Variants in MAML3 observed in about 807,000 individuals in gnomAD.
The protein encoded by MAML3 is mastermind like transcriptional coactivator 3.
A neutral mutation model predicts 101.9 loss-of-function variants in MAML3; 27 were observed. The observed-to-expected ratio is 0.27, with a 90% CI of 0.20 to 0.37. The LOEUF is 0.37. Ranked by LOEUF, MAML3 falls within the 10% of genes least tolerant of loss-of-function variation. The pLI, the probability that MAML3 is intolerant of heterozygous loss-of-function variation, is 1.00. For synonymous variants in MAML3, 501 were observed against 555.9 expected, an observed-to-expected ratio of 0.90 and a Z score of 1.39; for missense variants, 1,316 against 1,444.9, an observed-to-expected ratio of 0.91 and a Z score of 1.45.
chr4:139,932,064 C>T (rs1162336540), intron 1 of MAML3, among the ~76,000 whole-genome samples: 1 of 152,044 alleles, frequency 6.6e-6, no homozygotes, highest in African/African-American at 2.4e-5. Context: ...TTGCTTACTA[C>T]TTTGAATAGT....
intron 2 of MAML3, among the ~76,000 whole-genome samples, chr4:139,733,198 C>T (rs1728793191): frequency 6.6e-6 from 1 of 152,124 alleles, no homozygotes; most frequent in African/African-American, 2.4e-5. Context: ...AGCAAAAATG[C>T]AGATATGTAG....
At chr4:140,090,178 C>T (rs935196278) in intron 1 of MAML3, among the ~76,000 whole-genome samples, 4 of 152,102 alleles carry the variant, frequency 2.6e-5, no homozygotes, top group Admixed American at 2.0e-4. Context: ...TGTGTTTTTA[C>T]GGTGGTGGTG....
chr4:139,889,316 C>T lies in MAML3; in HGVS notation c.2079+41G>A, dbSNP rs774550983. The T allele has an allele frequency of 9.3e-6, 15 of 1,613,848 alleles. No homozygotes were observed. In the South Asian group the frequency reaches 1.4e-4, roughly 15 times the overall value. Reference sequence around the variant, plus strand: ...TCACACATCGACAGTCTGAAATGCACCACAAGAACTGCTCGAAGAGTGTGT... The same window carrying T: ...TCACACATCGACAGTCTGAAATGCATCACAAGAACTGCTCGAAGAGTGTGT... On this transcript the variant is annotated intron_variant, in intron 2 of 4. Coordinates refer to ENST00000509479, the MANE Select transcript of MAML3 (RefSeq NM_018717.5).
At chr4:140,025,818 G>A (rs540307829) in intron 1 of MAML3, among the ~76,000 whole-genome samples, 1 of 152,208 alleles carries the variant, frequency 6.6e-6, no homozygotes, top group Non-Finnish European at 1.5e-5. Context: ...AATGAGTCTC[G>A]GATCTCTGCC....
chr4:139,831,634 C>T (rs147654319), intron 2 of MAML3, among the ~76,000 whole-genome samples: 4 of 152,212 alleles, frequency 2.6e-5, no homozygotes, highest in Admixed American at 1.3e-4. Context: ...ATGCACACAC[C>T]GGAGCTTAAC....
At chr4:140,033,148 C>T (rs1726934066) in intron 1 of MAML3, among the ~76,000 whole-genome samples, 1 of 152,180 alleles carries the variant, frequency 6.6e-6, no homozygotes, top group African/African-American at 2.4e-5. Flanking sequence ...AATCAATAGA[C>T]CTAGAAGCAC....
At chr4:139,969,052 G>A (rs1170802073) in intron 1 of MAML3, among the ~76,000 whole-genome samples, 1 of 152,010 alleles carries the variant, frequency 6.6e-6, no homozygotes, top group Non-Finnish European at 1.5e-5. Flanking sequence ...AGTGGGAAGG[G>A]ATGGAGATGG....
chr4:139,807,110 A>G (rs1201785784), intron 2 of MAML3, among the ~76,000 whole-genome samples: 1 of 152,208 alleles, frequency 6.6e-6, no homozygotes, highest in African/African-American at 2.4e-5. Flanking sequence ...TAGCTGTGTC[A>G]TCACCTGGCT....
intron 2 of MAML3, among the ~76,000 whole-genome samples, chr4:139,863,832 G>GTTTTTTTTT (rs58270046): frequency 0.051 from 5,668 of 110,126 alleles, 690 homozygotes; most frequent in South Asian, 0.1. Flanking sequence ...CAGAACATGG[G>GTTTTTTTTT]TTTTTTTTTT....
At chr4:139,972,780 CAAAGAGG>C (rs1466398992) in intron 1 of MAML3, among the ~76,000 whole-genome samples, 2 of 152,030 alleles carry the variant, frequency 1.3e-5, no homozygotes, top group Non-Finnish European at 2.9e-5. Flanking sequence ...CGACAATTTG[CAAAGAGG>C]AATTATCCAT....
At chr4:139,946,230 A>G (rs1257226481) in intron 1 of MAML3, among the ~76,000 whole-genome samples, 1 of 152,216 alleles carries the variant, frequency 6.6e-6, no homozygotes, top group Non-Finnish European at 1.5e-5. Flanking sequence ...GAAGCTAAAG[A>G]TAAAGATAAT....
intron 1 of MAML3, among the ~76,000 whole-genome samples, chr4:139,948,067 G>A (rs180934740): frequency 1.3e-5 from 2 of 151,428 alleles, no homozygotes; most frequent in Non-Finnish European, 2.9e-5. Flanking sequence ...GCCATTGCAC[G>A]CCAGTCTGGG....
At chr4:139,752,563 GC>G (rs1213571927) in intron 2 of MAML3, among the ~76,000 whole-genome samples, 8 of 152,190 alleles carry the variant, frequency 5.3e-5, no homozygotes, top group Non-Finnish European at 1.0e-4. Context: ...GTCATGGGAA[GC>G]TTTGGAAGCC....
rs779057867 is a variant in MAML3 at position 139,890,050 on chromosome 4, C to T, written c.1386G>A (p.Met462Ile). The change falls in exon 2 of 5, where the codon ATG becomes ATA. Residue 462 changes from methionine (M) to isoleucine (I), a missense_variant. Coordinates refer to ENST00000509479, the MANE Select transcript of MAML3 (RefSeq NM_018717.5). This position sits in a 1 kb window ranked among gnomAD's most constrained non-coding sequence, Gnocchi z 4.1. Reference sequence around the variant, plus strand: ...TCTGTTTGAGCTGTTCTGCTGGAGACATGTCAGAGCTGGGCACAGCCACAG... The same window carrying T: ...TCTGTTTGAGCTGTTCTGCTGGAGATATGTCAGAGCTGGGCACAGCCACAG... ...SGPVAVPSSDMSPAEQLKQMA... is the reference protein window; with the variant it reads ...SGPVAVPSSDISPAEQLKQMA... 18 of 1,608,648 alleles carry T rather than the reference C, an allele frequency of 1.1e-5. No individual in the cohort carries two copies. The highest frequency in any genetic ancestry group is 2.2e-5 in the South Asian group (2 of 90,870).
At chr4:140,001,450 T>G (rs1421764297) in intron 1 of MAML3, among the ~76,000 whole-genome samples, 3 of 152,146 alleles carry the variant, frequency 2.0e-5, no homozygotes, top group African/African-American at 4.8e-5. Flanking sequence ...AGTTAATAAG[T>G]CGCAGAGTGA....
At position 139,727,703 on chromosome 4, in the gene MAML3, C is replaced by T. The variant is rs185010851; in HGVS notation, c.2332-1868G>A. Among the ~76,000 whole-genome samples the T allele has an allele frequency of 2.0e-5, 3 of 152,336 alleles. No individual in the cohort carries two copies. In the East Asian group the frequency reaches 5.8e-4, roughly 29 times the overall value. Reference sequence around the variant, plus strand: ...GAGAATACGGCATTAAATGTGAATTCATGCCTACTTTCAACCTGCACTGCT... The same window carrying T: ...GAGAATACGGCATTAAATGTGAATTTATGCCTACTTTCAACCTGCACTGCT... On this transcript the variant is annotated intron_variant, in intron 3 of 4. Transcript: ENST00000509479.
intron 1 of MAML3, among the ~76,000 whole-genome samples, chr4:139,948,274 T>C (rs1183094142): frequency 1.3e-5 from 2 of 152,206 alleles, no homozygotes; most frequent in African/African-American, 2.4e-5. Flanking sequence ...ACTTTTGCTT[T>C]ATCCAAATAC....
At chr4:139,984,743 TC>T (rs1194639886) in intron 1 of MAML3, among the ~76,000 whole-genome samples, 1 of 152,238 alleles carries the variant, frequency 6.6e-6, no homozygotes, top group Non-Finnish European at 1.5e-5. Flanking sequence ...AGACAGACTT[TC>T]TTTAGTTTTT....
chr4:140,078,500 C>T (rs1440518923), intron 1 of MAML3, among the ~76,000 whole-genome samples: 1 of 152,156 alleles, frequency 6.6e-6, no homozygotes, highest in Non-Finnish European at 1.5e-5. Flanking sequence ...CCACTCCAAG[C>T]TTCTCTGCTT....
Sources: gnomAD v4.1 joint callset for allele counts (sites outside exome capture counted in the v4.1 genomes callset) on GRCh38, gnomAD v4.1.1 for gene constraint, Gnocchi (gnomAD v3.1) non-coding constraint, MANE v1.5 for transcripts, NCBI Gene and HGNC (gene_info 2026-07-23, HGNC 2026-07-21) for gene names.